Variants in OTOGL observed in about 807,000 individuals in gnomAD.
OTOGL encodes otogelin like.
A neutral mutation model predicts 318.5 loss-of-function variants in OTOGL; 285 were observed. The observed-to-expected ratio is 0.89, with a 90% confidence interval of 0.81 to 0.99. The LOEUF is 0.99. Ranked by LOEUF, OTOGL falls within the 50% of genes least tolerant of loss-of-function variation. OTOGL has a pLI of 0.00. For missense variants in OTOGL, 2,899 were observed against 2,845.6 expected, an observed-to-expected ratio of 1.02 and a Z score of -0.43; for synonymous variants, 987 against 936.5, an observed-to-expected ratio of 1.05 and a Z score of -0.99.
rs1262015121 is a variant in OTOGL at position 80,307,871 on chromosome 12, A to AC, written c.3333+2183dup. ...GGGCGGCTGGCCGGGCGGGGGGCTG[A>AC]CCCCCCCACCTCCCTCCCTCCCGGA... On this transcript the variant is annotated intron_variant, in intron 29 of 58. Transcript: ENST00000547103. 2.1e-3 allele frequency among the ~76,000 whole-genome samples: 217 copies of AC among 101,230 alleles called. 1 individual carries two copies. Among genetic ancestry groups the AC allele is most frequent in the Non-Finnish European group, 2.7e-3 (142 of 52,778 alleles). 66.4% of individuals were successfully genotyped at this position (101,230 alleles called of 152,430 possible).
chr12:80,266,754 G>A (rs1883010208), intron 21 of OTOGL, 138 bp downstream of exon 21: 2 of 873,732 alleles, frequency 2.3e-6, no homozygotes, highest in Non-Finnish European at 1.7e-6. Context: ...CCCTGCAAAT[G>A]TTCATCAACA....
chr12:80,139,565 G>GTTGT (rs1258185750), intron 1 of OTOGL, among the ~76,000 whole-genome samples: 1 of 151,850 alleles, frequency 6.6e-6, no homozygotes, highest in Admixed American at 6.6e-5. Context: ...CTAAGTTTTT[G>GTTGT]TTGTTTGTTT....
At chr12:80,207,290 C>T (rs1272131904) in intron 1 of OTOGL, among the ~76,000 whole-genome samples, 1 of 152,130 alleles carries the variant, frequency 6.6e-6, no homozygotes, top group Non-Finnish European at 1.5e-5. Flanking sequence ...CAAGCTCCGC[C>T]TCCCAGGTTC....
intron 26 of OTOGL, among the ~76,000 whole-genome samples, chr12:80,281,933 C>T (rs1336086885): frequency 6.6e-6 from 1 of 151,678 alleles, no homozygotes; most frequent in African/African-American, 2.4e-5. Flanking sequence ...ACACATTAAA[C>T]CATAATTGGG....
intron 1 of OTOGL, among the ~76,000 whole-genome samples, chr12:80,127,330 G>A (rs954706099): frequency 2.0e-5 from 3 of 152,048 alleles, no homozygotes; most frequent in South Asian, 2.1e-4. Flanking sequence ...TGAAATTCTG[G>A]GTTGCAAATT....
chr12:80,184,483 T>G (rs1417763017), intron 1 of OTOGL, among the ~76,000 whole-genome samples: 1 of 152,224 alleles, frequency 6.6e-6, no homozygotes, highest in African/African-American at 2.4e-5. Flanking sequence ...CTGGGTTTCA[T>G]TAGCCTCATT....
intron 7 of OTOGL, among the ~76,000 whole-genome samples, chr12:80,225,227 T>C (rs972910408): frequency 6.6e-6 from 1 of 152,096 alleles, no homozygotes; most frequent in African/African-American, 2.4e-5. Context: ...GTTCTCTCAT[T>C]GTCTACTACT....
chr12:80,237,092 G>C (rs758504162), intron 9 of OTOGL, among the ~76,000 whole-genome samples: 2 of 152,064 alleles, frequency 1.3e-5, no homozygotes, highest in Non-Finnish European at 1.5e-5. Context: ...TGGGATTACA[G>C]GCGTGAGTCA....
In OTOGL at chr12:80,144,301, C is replaced by T. The variant is rs188447495; in HGVS notation, c.-20+44696C>T. On this transcript the variant is annotated intron_variant, in intron 1 of 58. Transcript: ENST00000547103. ...ATTCCCACCTATGAGTGAGAATATG[C>T]GGTGTTTGGTTTTTTGTTCTTGCGA... Among the ~76,000 whole-genome samples the T allele has an allele frequency of 3.3e-3, 493 of 151,478 alleles. 4 individuals carry two copies. The highest frequency in any genetic ancestry group is 0.024 in the Middle Eastern group (7 of 292).
intron 5 of OTOGL, among the ~76,000 whole-genome samples, chr12:80,218,424 T>A (rs1347418919): frequency 6.6e-6 from 1 of 152,240 alleles, no homozygotes; most frequent in East Asian, 1.9e-4. Flanking sequence ...GGTTTTTGAA[T>A]TCTTGCCTTC....
chr12:80,103,972 A>G (rs781348207), intron 1 of OTOGL, among the ~76,000 whole-genome samples: 1 of 152,352 alleles, frequency 6.6e-6, no homozygotes, highest in African/African-American at 2.4e-5. Flanking sequence ...TTTATTTCAT[A>G]CAGAAAATAA....
chr12:80,122,350 C>A (rs1870536965), intron 1 of OTOGL, among the ~76,000 whole-genome samples: 1 of 152,058 alleles, frequency 6.6e-6, no homozygotes. Flanking sequence ...CTGGAATAAT[C>A]AATGAAAGAC....
At chr12:80,301,822 C>T (rs888540169) in intron 27 of OTOGL, among the ~76,000 whole-genome samples, 7 of 152,108 alleles carry the variant, frequency 4.6e-5, no homozygotes, top group African/African-American at 1.4e-4. Context: ...AGTAGCAGAC[C>T]CAATTGCCAT....
Position 80,357,292 on chromosome 12 carries a change from T to C in OTOGL, c.6019+378T>C, listed in dbSNP as rs371167792. On this transcript the variant is annotated intron_variant, in intron 49 of 58. Transcript: ENST00000547103. Reference sequence around the variant, plus strand: ...TTAAAACTTCATGTCCTGTATATCATGTTTGAGGTATGATGATCTCAAAAA... The same window carrying C: ...TTAAAACTTCATGTCCTGTATATCACGTTTGAGGTATGATGATCTCAAAAA... 5.9e-5 allele frequency among the ~76,000 whole-genome samples: 9 copies of C among 152,308 alleles called. No homozygotes were observed. In the East Asian group the frequency reaches 7.7e-4, roughly 13 times the overall value.
chr12:80,183,900 A>T (rs1399038625), intron 1 of OTOGL, among the ~76,000 whole-genome samples: 1 of 152,178 alleles, frequency 6.6e-6, no homozygotes, highest in Non-Finnish European at 1.5e-5. Context: ...GGGACATTTC[A>T]TTAATAGTAT....
chr12:80,191,527 A>G (rs1875697459), intron 1 of OTOGL, among the ~76,000 whole-genome samples: 1 of 152,260 alleles, frequency 6.6e-6, no homozygotes, highest in Non-Finnish European at 1.5e-5. Context: ...TTTATAAACC[A>G]TATACTGTAT....
intron 18 of OTOGL, among the ~76,000 whole-genome samples, chr12:80,258,679 T>C (rs1270056648): frequency 1.3e-5 from 2 of 152,108 alleles, no homozygotes; most frequent in African/African-American, 4.8e-5. Flanking sequence ...AGACCATGGT[T>C]CTCATCCTCA....
intron 20 of OTOGL, chr12:80,266,034 G>A (rs941163134): frequency 1.3e-5 from 2 of 154,838 alleles, no homozygotes; most frequent in Non-Finnish European, 2.9e-5. Flanking sequence ...TTCTAGTCTG[G>A]GGGTTGACAA....
intron 1 of OTOGL, among the ~76,000 whole-genome samples, chr12:80,156,152 T>C (rs1185064372): frequency 1.3e-5 from 2 of 152,190 alleles, no homozygotes; most frequent in Non-Finnish European, 2.9e-5. Context: ...CTATCCTCAA[T>C]CTGGATGGGC....
Sources: allele counts gnomAD v4.1 joint callset (sites outside exome capture counted in the v4.1 genomes callset), GRCh38; gene constraint gnomAD v4.1.1; transcripts MANE v1.5; gene names NCBI Gene and HGNC (gene_info 2026-07-23, HGNC 2026-07-21).